Variants in ADAMTS6 observed in about 807,000 individuals in gnomAD.
ADAMTS6 encodes the protein A disintegrin and metalloproteinase with thrombospondin motifs 6.
A neutral mutation model predicts 144.3 loss-of-function variants in ADAMTS6; 23 were observed. The ratio of observed to expected loss-of-function variants is 0.16; its 90% CI spans 0.11 to 0.23. ADAMTS6 has a LOEUF of 0.23. Ranked by LOEUF, ADAMTS6 falls within the 10% of genes least tolerant of loss-of-function variation. The probability of loss-of-function intolerance (pLI) is 1.00; values close to 1 mark genes in which losing one functional copy is unlikely to be tolerated. For missense variants in ADAMTS6, 999 were observed against 1,379.6 expected, an observed-to-expected ratio of 0.72 and a Z score of 4.37; for synonymous variants, 444 against 457.5, an observed-to-expected ratio of 0.97 and a Z score of 0.38.
intron 7 of ADAMTS6, among the ~76,000 whole-genome samples, chr5:65,375,377 T>G (rs1751424215): frequency 6.6e-6 from 1 of 151,616 alleles, no homozygotes; most frequent in Admixed American, 6.6e-5. Context: ...AAAGGGCTAA[T>G]ATCCAGAATC....
intron 7 of ADAMTS6, among the ~76,000 whole-genome samples, chr5:65,434,835 T>C (rs1314052664): frequency 6.6e-6 from 1 of 151,614 alleles, no homozygotes; most frequent in Non-Finnish European, 1.5e-5. Context: ...AGTCAGTGCT[T>C]AGCAGACATA....
intron 7 of ADAMTS6, among the ~76,000 whole-genome samples, chr5:65,387,499 G>A (rs1224826865): frequency 6.6e-6 from 1 of 152,156 alleles, no homozygotes; most frequent in South Asian, 2.1e-4. Flanking sequence ...CAGTAAGGTC[G>A]TTGTTAACTT....
At chr5:65,168,856 C>T (rs1753401646) in intron 24 of ADAMTS6, among the ~76,000 whole-genome samples, 2 of 147,472 alleles carry the variant, frequency 1.4e-5, no homozygotes, top group Non-Finnish European at 3.0e-5. Context: ...AACTGGATCC[C>T]TTCCTTACAT....
At chr5:65,375,890 A>C (rs1463019396) in intron 7 of ADAMTS6, among the ~76,000 whole-genome samples, 2 of 152,256 alleles carry the variant, frequency 1.3e-5, no homozygotes, top group Non-Finnish European at 2.9e-5. Context: ...GGCTGGATTA[A>C]GAAAATGTGG....
chr5:65,289,133 A>T (rs887905191), intron 11 of ADAMTS6, among the ~76,000 whole-genome samples: 2 of 152,252 alleles, frequency 1.3e-5, no homozygotes, highest in African/African-American at 4.8e-5. Context: ...GATTCACGAT[A>T]AAATACTTAA....
At chr5:65,466,187 T>C (rs562224533) in intron 3 of ADAMTS6, among the ~76,000 whole-genome samples, 1 of 152,324 alleles carries the variant, frequency 6.6e-6, no homozygotes, top group Non-Finnish European at 1.5e-5. Flanking sequence ...GTAGTTATCA[T>C]TGATTCTATT....
chr5:65,149,676 T>A lies in ADAMTS6; in HGVS notation c.*2160A>T, dbSNP rs1040253712. 2.6e-5 allele frequency: 4 copies of A among 152,578 alleles called. No homozygotes were observed. Among genetic ancestry groups the A allele is most frequent in the African/African-American group, 9.7e-5 (4 of 41,434 alleles). 9.5% of individuals were successfully genotyped at this position (152,578 alleles called of 1,614,324 possible). A position where few individuals can be genotyped will look rare whatever the true frequency, so the allele number is the denominator to read the frequency against. ...GAGCTGATATTTATGTTGGAGAAAA[T>A]CAGATCTGGATTGCAAACCTATGCC... On this transcript the variant is annotated 3_prime_UTR_variant, in exon 25 of 25. Transcript: ENST00000381055.
rs1459614452 is a variant in ADAMTS6 at position 65,467,518 on chromosome 5, G to C, written c.462+3260C>G. Among the ~76,000 whole-genome samples, 3 of 152,140 alleles carry C rather than the reference G, an allele frequency of 2.0e-5. No individual in the cohort carries two copies. The East Asian group carries it at 5.8e-4, about 29-fold the overall frequency. On this transcript the variant is annotated intron_variant, in intron 3 of 24. Coordinates refer to ENST00000381055, the MANE Select transcript of ADAMTS6 (RefSeq NM_197941.4). ...AGACTAGCAGCAGACTTATACCTGT[G>C]AATCAATGCTAACTTTTAAGACCTT...
chr5:65,433,248 C>T (rs10940034), intron 7 of ADAMTS6, among the ~76,000 whole-genome samples: 45,077 of 151,938 alleles, frequency 0.3, 7,683 homozygotes, highest in South Asian at 0.4. Flanking sequence ...ATGTGACTAA[C>T]ACACAGTTAA....
intron 7 of ADAMTS6, among the ~76,000 whole-genome samples, chr5:65,364,267 T>G (rs554800600): frequency 6.6e-6 from 1 of 152,212 alleles, no homozygotes; most frequent in Non-Finnish European, 1.5e-5. Context: ...ACAGTTGACC[T>G]CAGCCTTTTA....
chr5:65,297,150 C>A (rs896130979), intron 10 of ADAMTS6: 1 of 451,864 alleles, frequency 2.2e-6, no homozygotes, highest in African/African-American at 2.0e-5. Context: ...TGGCATAACA[C>A]GTCCATTTTA....
intron 7 of ADAMTS6, among the ~76,000 whole-genome samples, chr5:65,351,524 T>TGACA (rs991078462): frequency 6.6e-6 from 1 of 152,226 alleles, no homozygotes; most frequent in Admixed American, 6.5e-5. Flanking sequence ...TGTCATTAAT[T>TGACA]GAATAAATCT....
intron 22 of ADAMTS6, among the ~76,000 whole-genome samples, chr5:65,185,271 G>T (rs993300647): frequency 3.3e-5 from 5 of 152,134 alleles, no homozygotes; most frequent in Non-Finnish European, 7.3e-5. Context: ...GGGCTGCCTG[G>T]TAAACTAAGG....
chr5:65,451,727 G>A, intron 6 of ADAMTS6, 107 bp from the exon 7 acceptor site: 1 of 1,342,004 alleles, frequency 7.5e-7, no homozygotes, highest in Non-Finnish European at 1.0e-6. Flanking sequence ...AGTGTTTCTA[G>A]GAATAATCTC....
In ADAMTS6 at chr5:65,173,090, G is replaced by A. The variant is rs372898244; in HGVS notation, c.2911-82C>T. 2.8e-4 allele frequency: 385 copies of A among 1,366,082 alleles called. 4 individuals carry two copies. Among genetic ancestry groups the A allele is most frequent in the South Asian group, 2.5e-3 (189 of 74,346 alleles). 84.6% of individuals were successfully genotyped at this position (1,366,082 alleles called of 1,614,324 possible). A position where few individuals can be genotyped will look rare whatever the true frequency, so the allele number is the denominator to read the frequency against. ...GAAGAAAGTCTTTCTTCATGTAAATGTGTGTTTTAGTATAGAATATACACA... is the reference window on the plus strand; with the variant it reads ...GAAGAAAGTCTTTCTTCATGTAAATATGTGTTTTAGTATAGAATATACACA... On this transcript the variant is annotated intron_variant, in intron 22 of 24. Transcript: ENST00000381055.
intron 14 of ADAMTS6, among the ~76,000 whole-genome samples, chr5:65,252,939 G>A (rs1053577098): frequency 7.9e-5 from 12 of 152,040 alleles, no homozygotes; most frequent in Non-Finnish European, 1.0e-4. Flanking sequence ...ACCCAGGCTG[G>A]AGGGTAGTGA....
intron 23 of ADAMTS6, among the ~76,000 whole-genome samples, 182 bp downstream of exon 23, chr5:65,172,650 C>T (rs754201258): frequency 2.0e-5 from 3 of 152,128 alleles, no homozygotes; most frequent in Non-Finnish European, 4.4e-5. Flanking sequence ...CTGGCTCACT[C>T]TGTATGTGTC....
intron 1 of ADAMTS6, among the ~76,000 whole-genome samples, chr5:65,474,710 G>T (rs1246210646): frequency 6.7e-6 from 1 of 150,250 alleles, no homozygotes; most frequent in Non-Finnish European, 1.5e-5. Context: ...TAGTATATTT[G>T]GCTGCCTGGT....
intron 20 of ADAMTS6, among the ~76,000 whole-genome samples, chr5:65,199,821 G>A (rs1268898808): frequency 6.6e-6 from 1 of 152,080 alleles, no homozygotes; most frequent in Non-Finnish European, 1.5e-5. Context: ...GAGATATTGG[G>A]CTAAGTGCTA....
Sources: gnomAD v4.1 joint callset for allele counts (sites outside exome capture counted in the v4.1 genomes callset) on GRCh38, gnomAD v4.1.1 for gene constraint, MANE v1.5 for transcripts, NCBI Gene and HGNC (gene_info 2026-07-23, HGNC 2026-07-21) for gene names.